SAMD4A: variants seen among roughly 807,000 people sequenced by gnomAD.
SAMD4A encodes the protein sterile alpha motif domain containing 4A.
Under a neutral mutation model 81.3 loss-of-function variants are expected in SAMD4A, and 33 were observed. That is an observed-to-expected ratio of 0.41 (90% confidence interval 0.31 to 0.54). The LOEUF (loss-of-function observed/expected upper bound fraction) is 0.54. Among genes scored for constraint, SAMD4A ranks in the 20% least tolerant of loss-of-function variants. SAMD4A has a pLI of 0.37. For missense variants in SAMD4A, 854 were observed against 951.1 expected, an observed-to-expected ratio of 0.90 and a Z score of 1.34; for synonymous variants, 389 against 382.1, an observed-to-expected ratio of 1.02 and a Z score of -0.21.
chr14:54,777,873 A>T (rs1330731896), intron 11 of SAMD4A, among the ~76,000 whole-genome samples: 1 of 152,222 alleles, frequency 6.6e-6, no homozygotes, highest in Non-Finnish European at 1.5e-5. Flanking sequence ...ATATAACAAT[A>T]TAATTACACA....
intron 11 of SAMD4A, chr14:54,784,292 C>T (rs1320216101): frequency 1.2e-5 from 18 of 1,445,460 alleles, no homozygotes; most frequent in Non-Finnish European, 1.7e-5. Context: ...GCAGAGGAGG[C>T]ACAGACTGTG....
intron 9 of SAMD4A, among the ~76,000 whole-genome samples, chr14:54,773,952 A>G (rs1300809395): frequency 6.6e-6 from 1 of 152,238 alleles, no homozygotes; most frequent in East Asian, 1.9e-4. Flanking sequence ...AGTCCGCCAC[A>G]CAGACAGGCT....
intron 2 of SAMD4A, among the ~76,000 whole-genome samples, chr14:54,619,956 A>T (rs1443303160): frequency 1.3e-5 from 2 of 152,082 alleles, no homozygotes; most frequent in African/African-American, 4.8e-5. Context: ...TTGGACTTGA[A>T]AGACTTTTTT....
At chr14:54,759,868 A>G (rs1205176475) in intron 6 of SAMD4A, among the ~76,000 whole-genome samples, 1 of 152,242 alleles carries the variant, frequency 6.6e-6, no homozygotes, top group African/African-American at 2.4e-5. Flanking sequence ...AGAAATGCAC[A>G]GAGGAAGGCA....
At chr14:54,739,279 A>G (rs946289534) in intron 4 of SAMD4A, among the ~76,000 whole-genome samples, 3 of 151,970 alleles carry the variant, frequency 2.0e-5, no homozygotes, top group African/African-American at 7.3e-5. Context: ...AGCCTCTGTG[A>G]TTCCTTTCAT....
chr14:54,580,610 G>C (rs2033436585), intron 2 of SAMD4A, among the ~76,000 whole-genome samples: 1 of 152,162 alleles, frequency 6.6e-6, no homozygotes, highest in African/African-American at 2.4e-5. Context: ...TCCTTACTGG[G>C]TGTTAATGTG....
intron 3 of SAMD4A, among the ~76,000 whole-genome samples, chr14:54,717,057 A>G (rs932395887): frequency 6.6e-6 from 1 of 152,202 alleles, no homozygotes; most frequent in Non-Finnish European, 1.5e-5. Flanking sequence ...AGACTGCAGC[A>G]TGCTTGCAAA....
intron 2 of SAMD4A, among the ~76,000 whole-genome samples, chr14:54,611,602 C>T (rs963799644): frequency 6.6e-6 from 1 of 152,236 alleles, no homozygotes; most frequent in East Asian, 1.9e-4. Flanking sequence ...TGGGGCCAGG[C>T]GCAGTGGCTC....
At chr14:54,767,858 C>A (rs575815308) in intron 8 of SAMD4A, among the ~76,000 whole-genome samples, 57 of 152,318 alleles carry the variant, frequency 3.7e-4, no homozygotes, top group Admixed American at 2.7e-3. Context: ...CACCACATCC[C>A]CAGCTGAGAA....
intron 3 of SAMD4A, 106 bp downstream of exon 3, chr14:54,702,686 G>T: frequency 7.5e-7 from 1 of 1,326,846 alleles, no homozygotes; most frequent in Non-Finnish European, 1.0e-6. Context: ...GACCCTGGGA[G>T]AGAAGGACTG....
intron 11 of SAMD4A, among the ~76,000 whole-genome samples, chr14:54,778,413 C>G (rs369703229): frequency 6.6e-6 from 1 of 152,226 alleles, no homozygotes; most frequent in Non-Finnish European, 1.5e-5. Context: ...AACCTAATAT[C>G]ATTTTCACTC....
intron 8 of SAMD4A, among the ~76,000 whole-genome samples, chr14:54,769,557 T>G (rs2038647091): frequency 6.6e-6 from 1 of 152,140 alleles, no homozygotes; most frequent in Admixed American, 6.5e-5. Context: ...TCAGGACTGG[T>G]ACACTGGAAT....
intron 2 of SAMD4A, among the ~76,000 whole-genome samples, chr14:54,643,100 G>A (rs2035209996): frequency 6.6e-6 from 1 of 152,264 alleles, no homozygotes; most frequent in Non-Finnish European, 1.5e-5. Context: ...AACAAGGCAG[G>A]AGGGGGAAAG....
chr14:54,662,992 G>A (rs561855702), intron 2 of SAMD4A, among the ~76,000 whole-genome samples: 112 of 152,304 alleles, frequency 7.4e-4, no homozygotes, highest in African/African-American at 2.6e-3. Flanking sequence ...CACAGTGGAA[G>A]TCCCAGACCA....
chr14:54,739,773 A>C (rs1428047568), intron 4 of SAMD4A, among the ~76,000 whole-genome samples: 1 of 152,158 alleles, frequency 6.6e-6, no homozygotes, highest in Non-Finnish European at 1.5e-5. Flanking sequence ...CTATGAGTGC[A>C]CCCAAGGAGC....
intron 3 of SAMD4A, among the ~76,000 whole-genome samples, chr14:54,720,896 G>A (rs2037245286): frequency 6.6e-6 from 1 of 151,918 alleles, no homozygotes; most frequent in African/African-American, 2.4e-5. Context: ...CCTTGCTATG[G>A]GCACACACAC....
At position 54,727,166 on chromosome 14, in the gene SAMD4A, C is replaced by CTTTTTTTTTT. The variant is rs567831973; in HGVS notation, c.716-9826_716-9817dup. Among the ~76,000 whole-genome samples, 290 of 59,190 alleles carry CTTTTTTTTTT rather than the reference C, an allele frequency of 4.9e-3. 92 individuals carry two copies. Among genetic ancestry groups the CTTTTTTTTTT allele is most frequent in the Non-Finnish European group, 7.5e-3 (224 of 29,780 alleles). 38.8% of individuals were successfully genotyped at this position (59,190 alleles called of 152,430 possible). A position where few individuals can be genotyped will look rare whatever the true frequency, so the allele number is the denominator to read the frequency against. On this transcript the variant is annotated intron_variant, in intron 3 of 12. Transcript: ENST00000554335. The stretch of plus-strand genomic sequence containing the variant: ...TTATCACAACAGCCTTCTTTTTTTC[C>CTTTTTTTTTT]TTTTTTTTTTTTTTTTTTTTTTTTT...
intron 2 of SAMD4A, among the ~76,000 whole-genome samples, chr14:54,683,988 T>C (rs2036191671): frequency 6.6e-6 from 1 of 152,162 alleles, no homozygotes; most frequent in Non-Finnish European, 1.5e-5. Flanking sequence ...CAGATATTAA[T>C]AGAAAATCAG....
chr14:54,753,119 C>G (rs1434899100), intron 6 of SAMD4A, among the ~76,000 whole-genome samples: 9 of 152,252 alleles, frequency 5.9e-5, no homozygotes, highest in Non-Finnish European at 1.3e-4. Flanking sequence ...CTTCCTCTAT[C>G]TCAACTGCAA....
Sources: allele counts gnomAD v4.1 joint callset (sites outside exome capture counted in the v4.1 genomes callset), GRCh38; gene constraint gnomAD v4.1.1; transcripts MANE v1.5; gene names NCBI Gene and HGNC (gene_info 2026-07-23, HGNC 2026-07-21).